TMCC1: variants seen among roughly 807,000 people sequenced by gnomAD.
The protein encoded by TMCC1 is transmembrane and coiled-coil domains protein 1.
Under a neutral mutation model 52.4 loss-of-function variants are expected in TMCC1, and 15 were observed. The ratio of observed to expected loss-of-function variants is 0.29; its 90% CI spans 0.19 to 0.44. The LOEUF (loss-of-function observed/expected upper bound fraction) is 0.44. Among genes scored for constraint, TMCC1 ranks in the 20% least tolerant of loss-of-function variants. The pLI, the probability that TMCC1 is intolerant of heterozygous loss-of-function variation, is 1.00. For synonymous variants in TMCC1, 279 were observed against 301.9 expected (o/e 0.92, Z 0.79); for missense variants, 503 against 806.0 (o/e 0.62, Z 4.55).
chr3:129,775,077 C>A (rs972010150), intron 4 of TMCC1, among the ~76,000 whole-genome samples: 1 of 152,128 alleles, frequency 6.6e-6, no homozygotes, highest in African/African-American at 2.4e-5. Context: ...ACTCACTGAA[C>A]AATACCTGCT....
rs2089501484 is a variant in TMCC1 at position 129,687,662 on chromosome 3, A to G, written c.577-16398T>C. Reference sequence around the variant, plus strand: ...AGTCATAGTAGAGGCAAAGAGATACAGCATTCACAACCACTTGATATCAAA... The same window carrying G: ...AGTCATAGTAGAGGCAAAGAGATACGGCATTCACAACCACTTGATATCAAA... On this transcript the variant is annotated intron_variant, in intron 4 of 6. Transcript: ENST00000393238. Among the ~76,000 whole-genome samples the G allele has an allele frequency of 2.0e-5, 3 of 152,234 alleles. No individual in the cohort carries two copies. In the South Asian group the frequency reaches 6.2e-4, roughly 31 times the overall value.
intron 4 of TMCC1, among the ~76,000 whole-genome samples, chr3:129,789,515 C>G (rs1444618748): frequency 6.6e-6 from 1 of 152,228 alleles, no homozygotes; most frequent in African/African-American, 2.4e-5. Context: ...GAGTCTCGCT[C>G]TGTCGCCCAG....
chr3:129,860,095 A>C (rs1015908456), intron 2 of TMCC1, among the ~76,000 whole-genome samples: 6 of 152,244 alleles, frequency 3.9e-5, no homozygotes, highest in Non-Finnish European at 8.8e-5. Flanking sequence ...CAAAAACTTT[A>C]AAAATACATA....
chr3:129,660,084 G>A (rs1464143948), intron 5 of TMCC1, among the ~76,000 whole-genome samples: 3 of 152,138 alleles, frequency 2.0e-5, no homozygotes, highest in Non-Finnish European at 2.9e-5. Context: ...ATTGCTTGTT[G>A]ACTGCCACAT....
At chr3:129,791,293 C>T (rs1211729374) in intron 4 of TMCC1, among the ~76,000 whole-genome samples, 1 of 151,986 alleles carries the variant, frequency 6.6e-6, no homozygotes, top group East Asian at 1.9e-4. Context: ...TGGGGTTTCA[C>T]CATGTTAGCC....
intron 4 of TMCC1, among the ~76,000 whole-genome samples, chr3:129,675,803 C>T (rs963295100): frequency 3.3e-5 from 5 of 151,986 alleles, no homozygotes; most frequent in Admixed American, 2.0e-4. Context: ...TTTGAGAGGC[C>T]GAGGCAGGCG....
At chr3:129,794,336 C>G (rs1489414134) in intron 4 of TMCC1, 1 of 456,156 alleles carries the variant, frequency 2.2e-6, no homozygotes, top group African/African-American at 2.0e-5. Flanking sequence ...TGGATAGCTG[C>G]CTCCTGAGGC....
intron 4 of TMCC1, among the ~76,000 whole-genome samples, chr3:129,702,771 A>C (rs950179676): frequency 1.3e-5 from 2 of 152,208 alleles, no homozygotes; most frequent in East Asian, 3.8e-4. Flanking sequence ...TCCATGTAAA[A>C]ACAAGGATTT....
chr3:129,851,439 C>G (rs1424687777), intron 2 of TMCC1, among the ~76,000 whole-genome samples: 2 of 152,100 alleles, frequency 1.3e-5, no homozygotes, highest in Admixed American at 1.3e-4. Flanking sequence ...AAAAGGCAAG[C>G]AACTTAGTTA....
At chr3:129,745,191 T>C (rs560674560) in intron 4 of TMCC1, among the ~76,000 whole-genome samples, 11 of 152,180 alleles carry the variant, frequency 7.2e-5, no homozygotes, top group Non-Finnish European at 1.5e-4. Flanking sequence ...TATTCAAAAG[T>C]ACAAAAACAA....
At chr3:129,816,339 C>T (rs529196239) in intron 4 of TMCC1, among the ~76,000 whole-genome samples, 2 of 152,188 alleles carry the variant, frequency 1.3e-5, no homozygotes, top group Admixed American at 6.5e-5. Flanking sequence ...AATGTAACTG[C>T]CCATCAGTGG....
chr3:129,871,442 G>A (rs970218293), intron 2 of TMCC1, among the ~76,000 whole-genome samples: 33 of 149,360 alleles, frequency 2.2e-4, no homozygotes, highest in African/African-American at 6.2e-4. Flanking sequence ...TACCTCATAC[G>A]TACTTAAATC....
chr3:129,799,226 T>TA (rs2057033766), intron 4 of TMCC1, among the ~76,000 whole-genome samples: 1 of 152,150 alleles, frequency 6.6e-6, no homozygotes, highest in Non-Finnish European at 1.5e-5. Context: ...TAAGCCTGAT[T>TA]CCTTCTATAT....
intron 2 of TMCC1, among the ~76,000 whole-genome samples, chr3:129,850,483 A>G (rs1199870536): frequency 6.6e-6 from 1 of 152,222 alleles, no homozygotes; most frequent in Non-Finnish European, 1.5e-5. Flanking sequence ...GCAAAGGCTT[A>G]ATCTCTGAAA....
chr3:129,885,651 G>A (rs555423648), intron 1 of TMCC1, among the ~76,000 whole-genome samples: 2 of 152,256 alleles, frequency 1.3e-5, no homozygotes, highest in South Asian at 2.1e-4. Context: ...GAGGGAATGT[G>A]GTTAGAATAA....
At chr3:129,870,735 G>T (rs1348117483) in intron 2 of TMCC1, among the ~76,000 whole-genome samples, 1 of 31,096 alleles carries the variant, frequency 3.2e-5, no homozygotes, top group African/African-American at 8.0e-5. Context: ...GGGGGGGGGG[G>T]GGCGACAGAG....
At chr3:129,770,878 G>A (rs2054517241) in intron 4 of TMCC1, among the ~76,000 whole-genome samples, 1 of 152,154 alleles carries the variant, frequency 6.6e-6, no homozygotes, top group African/African-American at 2.4e-5. Context: ...AGGTTAAAAT[G>A]AAATTAAATT....
intron 4 of TMCC1, among the ~76,000 whole-genome samples, chr3:129,767,259 TAAAA>T (rs574438436): frequency 7.5e-6 from 1 of 132,608 alleles, no homozygotes; most frequent in Admixed American, 7.7e-5. Flanking sequence ...ACGCTGTCTT[TAAAA>T]AAAAAAAAAA....
rs2062090445 is a variant in TMCC1 at position 129,893,622 on chromosome 3, C to G, written c.-563G>C. Reference sequence around the variant, plus strand: ...AACCACCCCCCCCTCCCGACCCTCCCCCCGCGCCGCCTCAGCCGCCGCCGC... The same window carrying G: ...AACCACCCCCCCCTCCCGACCCTCCGCCCGCGCCGCCTCAGCCGCCGCCGC... On this transcript the variant is annotated 5_prime_UTR_variant, in exon 1 of 7. Transcript: ENST00000393238. The G allele has an allele frequency of 6.5e-6, 1 of 152,896 alleles. No individual in the cohort carries two copies. Among genetic ancestry groups the G allele is most frequent in the Non-Finnish European group, 1.5e-5 (1 of 68,512 alleles). 9.5% of individuals were successfully genotyped at this position (152,896 alleles called of 1,614,324 possible). A position where few individuals can be genotyped will look rare whatever the true frequency, so the allele number is the denominator to read the frequency against.
Sources: gnomAD v4.1 joint callset for allele counts (sites outside exome capture counted in the v4.1 genomes callset) on GRCh38, gnomAD v4.1.1 for gene constraint, MANE v1.5 for transcripts, NCBI Gene and HGNC (gene_info 2026-07-23, HGNC 2026-07-21) for gene names.